Variants in SH2D4B observed in about 807,000 individuals in gnomAD.
SH2D4B encodes SH2 domain containing 4B.
Under a neutral mutation model 61.5 loss-of-function variants are expected in SH2D4B, and 45 were observed. The observed-to-expected ratio is 0.73, with a 90% CI of 0.58 to 0.94. SH2D4B has a LOEUF of 0.94. Ranked by LOEUF, SH2D4B falls within the 40% of genes least tolerant of loss-of-function variation. SH2D4B has a pLI of 0.00. For missense variants in SH2D4B, 572 were observed against 574.2 expected (o/e 1.00, Z 0.04); for synonymous variants, 224 against 220.4 (o/e 1.02, Z -0.14).
intron 6 of SH2D4B, among the ~76,000 whole-genome samples, chr10:80,615,929 G>T (rs1025452138): frequency 2.6e-5 from 4 of 152,192 alleles, no homozygotes; most frequent in Non-Finnish European, 4.4e-5. Context: ...ATGGTGTCAT[G>T]CAATAAATGC....
intron 6 of SH2D4B, among the ~76,000 whole-genome samples, chr10:80,629,036 A>AAAAAAAAAAAAAGAAAAAG (rs142895629): frequency 6.9e-6 from 1 of 144,878 alleles, no homozygotes; most frequent in Admixed American, 6.8e-5. Context: ...TCTCAAAAAA[A>AAAAAAAAAAAAAGAAAAAG]AAAAAGAAAA....
intron 3 of SH2D4B, among the ~76,000 whole-genome samples, chr10:80,574,765 A>T (rs748741315): frequency 1.8e-4 from 27 of 152,224 alleles, no homozygotes; most frequent in African/African-American, 6.5e-4. Flanking sequence ...CAATGGCGCA[A>T]TCTCGGCTCA....
intron 3 of SH2D4B, among the ~76,000 whole-genome samples, chr10:80,588,350 T>C (rs11186192): frequency 6.6e-6 from 1 of 152,104 alleles, no homozygotes; most frequent in African/African-American, 2.4e-5. Context: ...TTGATACTTT[T>C]TGAGAGGCCT....
intron 3 of SH2D4B, among the ~76,000 whole-genome samples, chr10:80,581,152 G>C (rs986061056): frequency 1.3e-5 from 2 of 152,192 alleles, no homozygotes; most frequent in African/African-American, 4.8e-5. Flanking sequence ...GGCGGTTGCT[G>C]TAGGCCTCTG....
intron 1 of SH2D4B, among the ~76,000 whole-genome samples, chr10:80,564,817 T>G (rs1347669496): frequency 6.6e-6 from 1 of 152,262 alleles, no homozygotes; most frequent in Non-Finnish European, 1.5e-5. Flanking sequence ...ATTAATTTTG[T>G]GGCTTAAGCC....
chr10:80,553,504 G>T (rs140414580), intron 1 of SH2D4B, among the ~76,000 whole-genome samples: 1 of 152,336 alleles, frequency 6.6e-6, no homozygotes, highest in Non-Finnish European at 1.5e-5. Flanking sequence ...TGGAGGTGGG[G>T]CGTTGTGGAT....
intron 5 of SH2D4B, among the ~76,000 whole-genome samples, chr10:80,608,887 T>C (rs1842554085): frequency 6.6e-6 from 1 of 151,996 alleles, no homozygotes; most frequent in South Asian, 2.1e-4. Context: ...AGCGCAGGAG[T>C]TGTGGCACAG....
chr10:80,571,629 G>A (rs1842046564), intron 3 of SH2D4B, 51 bp downstream of exon 3: 1 of 1,604,894 alleles, frequency 6.2e-7, no homozygotes, highest in South Asian at 1.1e-5. Context: ...TAGCCCCTGA[G>A]ACCACTGGGG....
At chr10:80,611,489 C>T (rs990030871) in intron 6 of SH2D4B, among the ~76,000 whole-genome samples, 1 of 152,186 alleles carries the variant, frequency 6.6e-6, no homozygotes, top group Non-Finnish European at 1.5e-5. Context: ...GCTGACTGAG[C>T]CATGTGTCCC....
At chr10:80,612,954 T>C (rs1278257964) in intron 6 of SH2D4B, among the ~76,000 whole-genome samples, 1 of 152,206 alleles carries the variant, frequency 6.6e-6, no homozygotes, top group Non-Finnish European at 1.5e-5. Flanking sequence ...AAACTGGCAT[T>C]GTAACATCTA....
intron 3 of SH2D4B, among the ~76,000 whole-genome samples, chr10:80,571,896 C>T (rs1163893583): frequency 1.1e-4 from 17 of 151,806 alleles, no homozygotes; most frequent in African/African-American, 3.9e-4. Flanking sequence ...CCTCAGCCTC[C>T]CGAGTAGCTG....
intron 1 of SH2D4B, among the ~76,000 whole-genome samples, chr10:80,555,107 A>ACCATTCACCATTACATACAGTG (rs1727299021): frequency 6.6e-6 from 1 of 152,078 alleles, no homozygotes; most frequent in Admixed American, 6.5e-5. Context: ...TCACCATCAC[A>ACCATTCACCATTACATACAGTG]GCATGTAATT....
chr10:80,539,501 G>A lies in SH2D4B; in HGVS notation c.184+986G>A, dbSNP rs1258996112. 2.9e-4 allele frequency among the ~76,000 whole-genome samples: 44 copies of A among 152,226 alleles called. No homozygotes were observed. The highest frequency in any genetic ancestry group is 2.9e-3 in the Admixed American group (44 of 15,288). On this transcript the variant is annotated intron_variant, in intron 1 of 7. Coordinates refer to ENST00000646907, the MANE Select transcript of SH2D4B (RefSeq NM_001388272.1). The surrounding 1 kb of genome is among the most constrained non-coding windows in gnomAD (Gnocchi z 4.9). The stretch of plus-strand genomic sequence containing the variant: ...ACATCATCTGGACATGCTTGCTCTT[G>A]TCTCTGGTCTTCACATGAGTGGCTC...
intron 6 of SH2D4B, among the ~76,000 whole-genome samples, chr10:80,620,262 T>C (rs1336708404): frequency 6.6e-6 from 1 of 152,152 alleles, no homozygotes; most frequent in Non-Finnish European, 1.5e-5. Flanking sequence ...AATGAGTGAA[T>C]TCTCATGAGA....
chr10:80,555,607 T>C (rs1841823691), intron 1 of SH2D4B, among the ~76,000 whole-genome samples: 1 of 152,148 alleles, frequency 6.6e-6, no homozygotes, highest in Admixed American at 6.6e-5. Context: ...GCTGAGGTCA[T>C]GGAGGAGGAG....
chr10:80,578,057 G>A (rs781357700), intron 3 of SH2D4B, among the ~76,000 whole-genome samples: 3 of 151,392 alleles, frequency 2.0e-5, no homozygotes, highest in Admixed American at 6.6e-5. Context: ...TGCAACCTCC[G>A]TCTCTTGGAC....
intron 1 of SH2D4B, among the ~76,000 whole-genome samples, chr10:80,554,458 G>A (rs934247289): frequency 4.0e-5 from 6 of 151,874 alleles, no homozygotes; most frequent in African/African-American, 1.5e-4. Context: ...GTGTGTGTGT[G>A]CTTACATAAT....
chr10:80,596,296 G>T (rs1156365737), intron 4 of SH2D4B, among the ~76,000 whole-genome samples: 1 of 152,170 alleles, frequency 6.6e-6, no homozygotes, highest in Non-Finnish European at 1.5e-5. Context: ...GCCAAATACT[G>T]CTAAAAACTG....
chr10:80,551,497 C>T (rs1233603751), intron 1 of SH2D4B, among the ~76,000 whole-genome samples: 1 of 151,982 alleles, frequency 6.6e-6, no homozygotes, highest in Non-Finnish European at 1.5e-5. Flanking sequence ...TGCTCCAAAT[C>T]AACTAGCAAA....
Sources: allele counts gnomAD v4.1 joint callset (sites outside exome capture counted in the v4.1 genomes callset), GRCh38; gene constraint gnomAD v4.1.1; non-coding constraint Gnocchi (gnomAD v3.1); transcripts MANE v1.5; gene names NCBI Gene and HGNC (gene_info 2026-07-23, HGNC 2026-07-21).